CA10: variants seen among roughly 807,000 people sequenced by gnomAD.
The protein encoded by CA10 is carbonic anhydrase-related protein 10.
Under a neutral mutation model 44.2 loss-of-function variants are expected in CA10, and 14 were observed. That is an observed-to-expected ratio of 0.32 (90% CI 0.21 to 0.50). The LOEUF (loss-of-function observed/expected upper bound fraction) is 0.50. Ranked by LOEUF, CA10 falls within the 20% of genes least tolerant of loss-of-function variation. CA10 has a pLI of 0.99. For synonymous variants in CA10, 159 were observed against 141.6 expected (o/e 1.12, Z -0.87); for missense variants, 350 against 409.7 (o/e 0.85, Z 1.26).
At chr17:52,043,016 A>G (rs1190570090) in intron 2 of CA10, among the ~76,000 whole-genome samples, 1 of 151,996 alleles carries the variant, frequency 6.6e-6, no homozygotes, top group Admixed American at 6.6e-5. Flanking sequence ...ATAGCTTGAA[A>G]TCAGGAAGTG....
chr17:52,000,352 C>A (rs1048006996), intron 2 of CA10, among the ~76,000 whole-genome samples: 1 of 152,200 alleles, frequency 6.6e-6, no homozygotes, highest in East Asian at 1.9e-4. Flanking sequence ...CACCTTGTTT[C>A]TTTCAAGTGC....
chr17:52,122,718 C>A (rs1237029525), intron 1 of CA10, among the ~76,000 whole-genome samples: 3 of 152,168 alleles, frequency 2.0e-5, no homozygotes, highest in Non-Finnish European at 4.4e-5. Flanking sequence ...GAGGGCAGAT[C>A]CTACTTAAGC....
At chr17:52,159,012 C>T (rs112886970), upstream of CA10, among the ~76,000 whole-genome samples, 53 of 152,314 alleles carry the variant, frequency 3.5e-4, no homozygotes, top group African/African-American at 1.3e-3. Flanking sequence ...TGGCAGCCGC[C>T]TCCGCACTCC....
intron 4 of CA10, among the ~76,000 whole-genome samples, chr17:51,695,686 G>T (rs1915379833): frequency 1.3e-5 from 2 of 152,048 alleles, no homozygotes; most frequent in South Asian, 4.1e-4. Context: ...CTCTGGCAAG[G>T]ACTTCCAGTA....
intron 3 of CA10, among the ~76,000 whole-genome samples, chr17:51,915,849 A>C (rs571340031): frequency 3.6e-4 from 55 of 152,194 alleles, no homozygotes; most frequent in African/African-American, 1.3e-3. Flanking sequence ...AAAGCTTGGC[A>C]GTTGTCATAT....
At chr17:51,917,432 C>T (rs1200176222) in intron 3 of CA10, among the ~76,000 whole-genome samples, 1 of 114,022 alleles carries the variant, frequency 8.8e-6, no homozygotes, top group Admixed American at 8.6e-5. Flanking sequence ...TAGGAGGTCC[C>T]TGTGTATGTT....
intron 2 of CA10, among the ~76,000 whole-genome samples, chr17:52,021,804 G>C (rs77615954): frequency 0.011 from 1,633 of 152,052 alleles, 30 homozygotes; most frequent in African/African-American, 0.037. Context: ...AAAATCTAGA[G>C]AAAATGGATA....
intron 1 of CA10, among the ~76,000 whole-genome samples, chr17:52,142,632 T>C (rs1989507095): frequency 6.6e-6 from 1 of 152,172 alleles, no homozygotes; most frequent in Non-Finnish European, 1.5e-5. Context: ...ACACAAAATC[T>C]ACCATTTCAT....
chr17:51,715,537 G>T (rs1014630452), intron 4 of CA10, among the ~76,000 whole-genome samples: 1 of 151,988 alleles, frequency 6.6e-6, no homozygotes, highest in Non-Finnish European at 1.5e-5. Flanking sequence ...AGGGAATGAG[G>T]TATCCATCCC....
intron 1 of CA10, among the ~76,000 whole-genome samples, 187 bp downstream of exon 1, chr17:52,157,537 CCG>C (rs1185795800): frequency 2.7e-5 from 4 of 147,472 alleles, no homozygotes; most frequent in Non-Finnish European, 4.5e-5. Context: ...CCACCCCCCC[CCG>C]CAAAACACAC....
rs547258178 is a variant in CA10, at chr17:51,804,717, G to A, written c.280-56899C>T. 9.9e-5 allele frequency among the ~76,000 whole-genome samples: 15 copies of A among 152,260 alleles called. No individual in the cohort carries two copies. The South Asian group carries it at 2.9e-3, about 30-fold the overall frequency. On this transcript the variant is annotated intron_variant, in intron 3 of 8. Coordinates refer to ENST00000451037, the MANE Select transcript of CA10 (RefSeq NM_020178.5). ...ACACATCCCACTGAAAATGGAGGAGGGGGCCTGAAAACTTTCTAGCTCATT... is the reference window on the plus strand; with the variant it reads ...ACACATCCCACTGAAAATGGAGGAGAGGGCCTGAAAACTTTCTAGCTCATT...
At chr17:52,157,477 T>C (rs1025163004) in intron 1 of CA10, among the ~76,000 whole-genome samples, 1 of 143,756 alleles carries the variant, frequency 7.0e-6, no homozygotes, top group Admixed American at 7.2e-5. Flanking sequence ...TTCTTTCTCA[T>C]CCCCCACCAC....
intron 4 of CA10, among the ~76,000 whole-genome samples, chr17:51,676,962 G>A (rs1317894377): frequency 6.6e-6 from 1 of 152,088 alleles, no homozygotes; most frequent in African/African-American, 2.4e-5. Context: ...GTGGCTTCCT[G>A]ACAGCCAAGA....
At chr17:51,654,503 A>G (rs1361012869) in intron 4 of CA10, among the ~76,000 whole-genome samples, 1 of 152,122 alleles carries the variant, frequency 6.6e-6, no homozygotes, top group Non-Finnish European at 1.5e-5. Context: ...CTTAAAATTC[A>G]TCATCTCAGG....
At chr17:52,140,665 T>C (rs1357325033) in intron 1 of CA10, among the ~76,000 whole-genome samples, 1 of 152,182 alleles carries the variant, frequency 6.6e-6, no homozygotes, top group Non-Finnish European at 1.5e-5. Flanking sequence ...GAGGCTTTGT[T>C]ACGCAGCGTT....
At chr17:51,903,484 A>G (rs1226285740) in intron 3 of CA10, among the ~76,000 whole-genome samples, 1 of 152,114 alleles carries the variant, frequency 6.6e-6, no homozygotes, top group African/African-American at 2.4e-5. Context: ...CTCTTTGCCC[A>G]ATGAGCCAGG....
At position 51,798,224 on chromosome 17, in the gene CA10, C is replaced by T. The variant is rs114395559; in HGVS notation, c.280-50406G>A. ...CATTTATTGATCAAAAATATGTAAT[C>T]CTCCTTCCTTATAGAAGCTCAGGTT... On this transcript the variant is annotated intron_variant, in intron 3 of 8. Transcript: ENST00000451037. Among the ~76,000 whole-genome samples, 1,135 of 152,284 alleles carry T rather than the reference C, an allele frequency of 7.5e-3. 18 individuals carry two copies. The highest frequency in any genetic ancestry group is 0.026 in the African/African-American group (1,095 of 41,536).
At chr17:52,092,563 G>T (rs1484930518) in intron 1 of CA10, among the ~76,000 whole-genome samples, 1 of 152,070 alleles carries the variant, frequency 6.6e-6, no homozygotes, top group Admixed American at 6.6e-5. Context: ...TCCATGGGCT[G>T]GGAAATCCAT....
chr17:52,024,405 C>G (rs1464343405), intron 2 of CA10, among the ~76,000 whole-genome samples: 1 of 151,808 alleles, frequency 6.6e-6, no homozygotes, highest in Non-Finnish European at 1.5e-5. Flanking sequence ...ATCTGCAGTC[C>G]TAGTCACCAG....
Sources: gnomAD v4.1 joint callset for allele counts (sites outside exome capture counted in the v4.1 genomes callset) on GRCh38, gnomAD v4.1.1 for gene constraint, MANE v1.5 for transcripts, NCBI Gene and HGNC (gene_info 2026-07-23, HGNC 2026-07-21) for gene names.